PARD3: variants seen among roughly 807,000 people sequenced by gnomAD.
The protein encoded by PARD3 is partitioning defective 3 homolog.
Under a neutral mutation model 155.4 loss-of-function variants are expected in PARD3, and 75 were observed. The observed-to-expected ratio is 0.48, with a 90% confidence interval of 0.40 to 0.58. PARD3 has a LOEUF of 0.58. Ranked by LOEUF, PARD3 falls within the 20% of genes least tolerant of loss-of-function variation. The pLI is 0.00. For synonymous variants in PARD3, 576 were observed against 610.5 expected (o/e 0.94, Z 0.83); for missense variants, 1,642 against 1,721.7 (o/e 0.95, Z 0.82).
intron 2 of PARD3, among the ~76,000 whole-genome samples, chr10:34,631,974 A>G (rs2092290992): frequency 6.6e-6 from 1 of 152,130 alleles, no homozygotes; most frequent in African/African-American, 2.4e-5. Flanking sequence ...TCTCGTATTG[A>G]TGTTTAATTA....
Position 34,392,011 on chromosome 10 carries a change from G to A in PARD3, c.890+7319C>T, listed in dbSNP as rs577058464. ...CCTTTACCAAAAATACAAAAAATTAGCCAGGCATAGTGGTGTGTGCCTGTG... is the reference window on the plus strand; with the variant it reads ...CCTTTACCAAAAATACAAAAAATTAACCAGGCATAGTGGTGTGTGCCTGTG... On this transcript the variant is annotated intron_variant, in intron 7 of 24. Coordinates refer to ENST00000374788, the MANE Select transcript of PARD3 (RefSeq NM_001184785.2). Among the ~76,000 whole-genome samples, 5 of 152,238 alleles carry A rather than the reference G, an allele frequency of 3.3e-5. No individual in the cohort carries two copies. The East Asian group carries it at 7.7e-4, about 24-fold the overall frequency.
intron 2 of PARD3, among the ~76,000 whole-genome samples, chr10:34,549,457 C>G (rs1420314957): frequency 6.6e-6 from 1 of 152,176 alleles, no homozygotes; most frequent in African/African-American, 2.4e-5. Context: ...CCACAATTCA[C>G]CAACACAAGG....
At chr10:34,618,485 A>G (rs2091416128) in intron 2 of PARD3, among the ~76,000 whole-genome samples, 1 of 152,212 alleles carries the variant, frequency 6.6e-6, no homozygotes, top group Non-Finnish European at 1.5e-5. Context: ...GTAAGTCACA[A>G]TTCAGGTAAA....
intron 5 of PARD3, among the ~76,000 whole-genome samples, chr10:34,446,455 A>T (rs1469974857): frequency 6.6e-6 from 1 of 152,078 alleles, no homozygotes; most frequent in African/African-American, 2.4e-5. Context: ...AATTATCCCT[A>T]TTTGCTGGAT....
At chr10:34,667,764 A>G (rs1283408808) in intron 2 of PARD3, among the ~76,000 whole-genome samples, 2 of 152,242 alleles carry the variant, frequency 1.3e-5, no homozygotes, top group African/African-American at 2.4e-5. Context: ...CAGAATATAA[A>G]TATCAGCCAC....
chr10:34,665,840 A>ACAAGAACAGAACAGAACAGAAC (rs1554804220), intron 2 of PARD3, among the ~76,000 whole-genome samples: 1 of 136,584 alleles, frequency 7.3e-6, no homozygotes, highest in African/African-American at 2.9e-5. Flanking sequence ...GTCTCAATTA[A>ACAAGAACAGAACAGAACAGAAC]AGAACAGAAC....
At chr10:34,207,719 C>G (rs1951545312) in intron 22 of PARD3, among the ~76,000 whole-genome samples, 1 of 152,312 alleles carries the variant, frequency 6.6e-6, no homozygotes, top group South Asian at 2.1e-4. Context: ...TATGGACATT[C>G]CAACTGATAT....
intron 2 of PARD3, among the ~76,000 whole-genome samples, chr10:34,611,145 C>T (rs1436372114): frequency 6.6e-6 from 1 of 152,128 alleles, no homozygotes; most frequent in Non-Finnish European, 1.5e-5. Context: ...TTGAGTGAGG[C>T]AGAATAAGGG....
At chr10:34,331,802 C>T (rs1835647244) in intron 18 of PARD3, among the ~76,000 whole-genome samples, 2 of 151,866 alleles carry the variant, frequency 1.3e-5, no homozygotes, top group African/African-American at 4.8e-5. Flanking sequence ...GCTAGACATG[C>T]ACATCAATGT....
At chr10:34,413,778 G>C (rs1845370730) in intron 5 of PARD3, among the ~76,000 whole-genome samples, 2 of 152,116 alleles carry the variant, frequency 1.3e-5, no homozygotes, top group South Asian at 4.1e-4. Flanking sequence ...GCAAGGGAAA[G>C]GGGGAACAAG....
Position 34,673,092 on chromosome 10 carries a change from T to C in PARD3, c.222+23226A>G, listed in dbSNP as rs373232338. Reference sequence around the variant, plus strand: ...AATCCAACCTTATCTCAGCATAGTTTAAACTTGGCTTCCATTTCTGGAAAA... The same window carrying C: ...AATCCAACCTTATCTCAGCATAGTTCAAACTTGGCTTCCATTTCTGGAAAA... On this transcript the variant is annotated intron_variant, in intron 2 of 24. Transcript: ENST00000374788. Among the ~76,000 whole-genome samples the C allele has an allele frequency of 6.7e-4, 102 of 152,290 alleles. No individual in the cohort carries two copies. In the South Asian group the frequency reaches 0.021, roughly 31 times the overall value.
intron 22 of PARD3, among the ~76,000 whole-genome samples, chr10:34,259,885 G>C (rs1328015584): frequency 6.6e-6 from 1 of 152,068 alleles, no homozygotes; most frequent in Non-Finnish European, 1.5e-5. Context: ...CTGTTGCCTA[G>C]GCTGGAGAAC....
At chr10:34,420,989 CAA>C (rs1241545496) in intron 5 of PARD3, among the ~76,000 whole-genome samples, 1 of 152,072 alleles carries the variant, frequency 6.6e-6, no homozygotes, top group African/African-American at 2.4e-5. Flanking sequence ...CCAGCCCAGG[CAA>C]CATTGCAAGG....
At chr10:34,655,130 T>C (rs766127787) in intron 2 of PARD3, among the ~76,000 whole-genome samples, 11 of 151,418 alleles carry the variant, frequency 7.3e-5, no homozygotes, top group Non-Finnish European at 1.6e-4. Flanking sequence ...TTTATGTGCC[T>C]TAACACACTT....
At chr10:34,730,300 AT>A (rs140305138) in intron 1 of PARD3, among the ~76,000 whole-genome samples, 61 of 150,222 alleles carry the variant, frequency 4.1e-4, no homozygotes, top group African/African-American at 6.8e-4. Flanking sequence ...CCAAAATCCA[AT>A]TTTTTTTTTC....
chr10:34,554,461 C>A (rs547911947), intron 2 of PARD3, among the ~76,000 whole-genome samples: 57 of 152,152 alleles, frequency 3.7e-4, no homozygotes, highest in Non-Finnish European at 6.6e-4. Flanking sequence ...TTCTTTGTAC[C>A]AACTTTTAAT....
chr10:34,227,045 G>A (rs1479532885), intron 22 of PARD3, among the ~76,000 whole-genome samples: 9 of 152,082 alleles, frequency 5.9e-5, no homozygotes, highest in Non-Finnish European at 1.2e-4. Flanking sequence ...CAGCTTCCGC[G>A]CAACAAAAGA....
Position 34,698,705 on chromosome 10 carries a change from C to A in PARD3, c.121-2286G>T, listed in dbSNP as rs190148493. On this transcript the variant is annotated intron_variant, in intron 1 of 24. Transcript: ENST00000374788. Reference sequence around the variant, plus strand: ...GATAGGCATGAGCCACTGAGCCCAGCCTGTCCCACTGTTAATGTTCCTAAA... The same window carrying A: ...GATAGGCATGAGCCACTGAGCCCAGACTGTCCCACTGTTAATGTTCCTAAA... Among the ~76,000 whole-genome samples the A allele has an allele frequency of 2.6e-5, 4 of 152,356 alleles. No homozygotes were observed. In the East Asian group the frequency reaches 5.8e-4, roughly 22 times the overall value.
intron 1 of PARD3, among the ~76,000 whole-genome samples, chr10:34,762,469 C>T (rs1176177936): frequency 4.1e-5 from 4 of 98,662 alleles, no homozygotes; most frequent in East Asian, 3.3e-4. Flanking sequence ...CCATGCCTGA[C>T]TTTTTTTTTT....
Sources: gnomAD v4.1 joint callset for allele counts (sites outside exome capture counted in the v4.1 genomes callset) on GRCh38, gnomAD v4.1.1 for gene constraint, MANE v1.5 for transcripts, NCBI Gene and HGNC (gene_info 2026-07-23, HGNC 2026-07-21) for gene names.